MAPT: variants seen among roughly 807,000 people sequenced by gnomAD.
The protein encoded by MAPT is microtubule associated protein tau.
A neutral mutation model predicts 67.9 loss-of-function variants in MAPT; 34 were observed. The ratio of observed to expected loss-of-function variants is 0.50; its 90% CI spans 0.38 to 0.67. The LOEUF is 0.67. MAPT is among the 30% of genes least tolerant of loss of function. The pLI is 0.00. For synonymous variants in MAPT, 456 were observed against 464.5 expected, an observed-to-expected ratio of 0.98 and a Z score of 0.23; for missense variants, 881 against 1,115.2, an observed-to-expected ratio of 0.79 and a Z score of 2.99.
At chr17:45,926,952 T>TATATATATATAC (rs1183000023) in intron 1 of MAPT, among the ~76,000 whole-genome samples, 8 of 108,324 alleles carry the variant, frequency 7.4e-5, no homozygotes, top group Admixed American at 4.9e-4. Context: ...TATATACATA[T>TATATATATATAC]ATGTGTATAT....
chr17:45,901,238 A>G (rs1467962), intron 1 of MAPT, among the ~76,000 whole-genome samples: 21,823 of 152,244 alleles, frequency 0.14, 2,138 homozygotes, highest in Middle Eastern at 0.22. Flanking sequence ...AATAAACTGC[A>G]TGCTCTCCAC....
At chr17:45,925,156 A>G (rs2066159945) in intron 1 of MAPT, among the ~76,000 whole-genome samples, 1 of 152,136 alleles carries the variant, frequency 6.6e-6, no homozygotes, top group Admixed American at 6.5e-5. Context: ...ATTCAGAAAT[A>G]TATGTTTGTG....
chr17:45,998,269 C>T (rs185442660), intron 9 of MAPT, among the ~76,000 whole-genome samples: 7 of 152,306 alleles, frequency 4.6e-5, no homozygotes, highest in East Asian at 1.9e-4. Context: ...CCCCTGCCCC[C>T]GAACAAGCTT....
rs991221914 is a variant in MAPT, at chr17:45,917,120, C to T, written c.-18+22434C>T. Among the ~76,000 whole-genome samples, 7 of 151,906 alleles carry T rather than the reference C, an allele frequency of 4.6e-5. No homozygotes were observed. In the East Asian group the frequency reaches 1.3e-3, roughly 29 times the overall value. ...TCCCCTCAGCAGCAGCTTTCCAGAA[C>T]ATTCCCACTTTCTTCTGTAGTGAGA... On this transcript the variant is annotated intron_variant, in intron 1 of 12. Transcript: ENST00000262410.
intron 1 of MAPT, among the ~76,000 whole-genome samples, chr17:45,914,994 A>G (rs914898826): frequency 1.3e-5 from 2 of 152,036 alleles, no homozygotes; most frequent in African/African-American, 4.8e-5. Flanking sequence ...TGAGATTAAA[A>G]CGTGAGTCAC....
At chr17:46,022,924 T>C (rs2076621256) in intron 12 of MAPT, among the ~76,000 whole-genome samples, 1 of 152,164 alleles carries the variant, frequency 6.6e-6, no homozygotes, top group Non-Finnish European at 1.5e-5. Context: ...GATAAATAGA[T>C]GGATAGATAA....
intron 1 of MAPT, among the ~76,000 whole-genome samples, chr17:45,947,576 CAG>C (rs1314926590): frequency 6.6e-6 from 1 of 151,870 alleles, no homozygotes; most frequent in Non-Finnish European, 1.5e-5. Flanking sequence ...TTAGTAGAGA[CAG>C]GGTTTCACCA....
intron 1 of MAPT, among the ~76,000 whole-genome samples, chr17:45,921,461 G>A (rs2065707672): frequency 6.6e-6 from 1 of 152,108 alleles, no homozygotes; most frequent in Non-Finnish European, 1.5e-5. Context: ...CCTGGATCAG[G>A]ACAGCATCCC....
At chr17:45,978,072 C>G in intron 3 of MAPT, 1 of 429,014 alleles carries the variant, frequency 2.3e-6, no homozygotes, top group Non-Finnish European at 4.3e-6. Flanking sequence ...CCTCACTCAG[C>G]CTGTGTGTCC....
intron 1 of MAPT, among the ~76,000 whole-genome samples, chr17:45,959,515 T>C (rs1190066881): frequency 6.6e-6 from 1 of 152,158 alleles, no homozygotes; most frequent in African/African-American, 2.4e-5. Flanking sequence ...CAAAATTCTA[T>C]GGACAAAGTC....
At chr17:45,948,002 G>T (rs112336161) in intron 1 of MAPT, among the ~76,000 whole-genome samples, 1 of 148,860 alleles carries the variant, frequency 6.7e-6, no homozygotes, top group Non-Finnish European at 1.5e-5. Context: ...TTTTGTTGTT[G>T]TTATTTTTTA....
intron 1 of MAPT, among the ~76,000 whole-genome samples, chr17:45,932,328 C>A (rs570635046): frequency 6.6e-6 from 1 of 152,006 alleles, no homozygotes; most frequent in Non-Finnish European, 1.5e-5. Flanking sequence ...CGGTGGCTCA[C>A]GCCTGTAATC....
chr17:45,936,236 G>T (rs561847886), intron 1 of MAPT, among the ~76,000 whole-genome samples: 53 of 152,334 alleles, frequency 3.5e-4, no homozygotes, highest in African/African-American at 9.4e-4. Context: ...CCTGGTGGGG[G>T]TTAGTTCATG....
intron 1 of MAPT, among the ~76,000 whole-genome samples, chr17:45,919,438 A>G (rs1274159370): frequency 1.3e-5 from 2 of 152,140 alleles, no homozygotes; most frequent in Non-Finnish European, 2.9e-5. Context: ...TACTCTGTGG[A>G]GAACCGTGGT....
Position 45,971,720 on chromosome 17 carries a change from G to T in MAPT, c.134-139G>T. ...TGGGGTTGGTCCCCTTTGTGGGTTT[G>T]TTGCGAGGCCGTGTTCCAGCTGTTT... On this transcript the variant is annotated intron_variant, in intron 2 of 12. Transcript: ENST00000262410. The surrounding 1 kb of genome is among the most constrained non-coding windows in gnomAD (Gnocchi z 4.3). The T allele has an allele frequency of 1.4e-6, 1 of 718,324 alleles. No homozygotes were observed. Among genetic ancestry groups the T allele is most frequent in the Non-Finnish European group, 2.5e-6 (1 of 395,302 alleles). 44.5% of individuals were successfully genotyped at this position (718,324 alleles called of 1,614,324 possible). A position where few individuals can be genotyped will look rare whatever the true frequency, so the allele number is the denominator to read the frequency against.
chr17:45,957,910 A>G (rs763779186), intron 1 of MAPT, among the ~76,000 whole-genome samples: 18 of 152,246 alleles, frequency 1.2e-4, no homozygotes, highest in Admixed American at 2.6e-4. Flanking sequence ...AGAAGGTCAA[A>G]TAATTTTGAA....
chr17:45,899,192 G>A (rs962286924), intron 1 of MAPT, among the ~76,000 whole-genome samples: 3 of 152,168 alleles, frequency 2.0e-5, no homozygotes, highest in Non-Finnish European at 4.4e-5. Context: ...GATGTCTAGA[G>A]AGATGTTTTT....
At chr17:45,916,072 C>G (rs1004544054) in intron 1 of MAPT, among the ~76,000 whole-genome samples, 1 of 152,182 alleles carries the variant, frequency 6.6e-6, no homozygotes, top group African/African-American at 2.4e-5. Flanking sequence ...TGGTGGTCTC[C>G]GGTTCCTCCA....
chr17:45,985,173 CG>C lies in MAPT; in HGVS notation c.1351+1246del, dbSNP rs1276818648. On this transcript the variant is annotated intron_variant, in intron 5 of 12. Coordinates refer to ENST00000262410, the MANE Select transcript of MAPT (RefSeq NM_001377265.1). ...ACAAAAAATTAGCTGGGCGTGGTGG[CG>C]GGCACCTGTAGTCCCAGCTACTGGG... Among the ~76,000 whole-genome samples, 4 of 152,080 alleles carry C rather than the reference CG, an allele frequency of 2.6e-5. No individual in the cohort carries two copies. In the East Asian group the frequency reaches 5.8e-4, roughly 22 times the overall value.
Sources: gnomAD v4.1 joint callset for allele counts (sites outside exome capture counted in the v4.1 genomes callset) on GRCh38, gnomAD v4.1.1 for gene constraint, Gnocchi (gnomAD v3.1) non-coding constraint, MANE v1.5 for transcripts, NCBI Gene and HGNC (gene_info 2026-07-23, HGNC 2026-07-21) for gene names.